Variants in CCDC178 observed in about 807,000 individuals in gnomAD.
CCDC178 encodes the protein coiled-coil domain-containing protein 178.
CCDC178 carries 126 observed loss-of-function variants against 117.4 expected under a neutral mutation model. The observed-to-expected ratio is 1.07, with a 90% CI of 0.93 to 1.24. The LOEUF is 1.24. Ranked by LOEUF, CCDC178 falls within the 50% of genes most tolerant of loss-of-function variation. CCDC178 has a pLI of 0.00. For missense variants in CCDC178, 1,030 were observed against 986.9 expected, an observed-to-expected ratio of 1.04 and a Z score of -0.59; for synonymous variants, 283 against 313.4, an observed-to-expected ratio of 0.90 and a Z score of 1.02.
At chr18:33,077,982 A>G (rs2057237372) in intron 21 of CCDC178, among the ~76,000 whole-genome samples, 2 of 152,176 alleles carry the variant, frequency 1.3e-5, no homozygotes, top group African/African-American at 4.8e-5. Context: ...AACAACAACA[A>G]AAAGAAAACT....
At chr18:33,079,954 T>C (rs1408403262) in intron 21 of CCDC178, among the ~76,000 whole-genome samples, 1 of 152,204 alleles carries the variant, frequency 6.6e-6, no homozygotes, top group Non-Finnish European at 1.5e-5. Context: ...GAAATCATTC[T>C]ACCATAAAGA....
chr18:33,308,001 A>G (rs892778966), intron 11 of CCDC178, among the ~76,000 whole-genome samples: 5 of 152,212 alleles, frequency 3.3e-5, no homozygotes, highest in Admixed American at 2.6e-4. Context: ...GCAGTGCAGA[A>G]GAGGAATGTG....
At chr18:33,244,537 T>C (rs999216886) in intron 15 of CCDC178, among the ~76,000 whole-genome samples, 1 of 151,942 alleles carries the variant, frequency 6.6e-6, no homozygotes, top group Non-Finnish European at 1.5e-5. Context: ...TATAAGGGGC[T>C]TCCCCATTTG....
chr18:32,945,215 A>G (rs2054319745), intron 22 of CCDC178, among the ~76,000 whole-genome samples: 1 of 152,184 alleles, frequency 6.6e-6, no homozygotes, highest in African/African-American at 2.4e-5. Flanking sequence ...GGATACTTAG[A>G]CCTCATTATG....
intron 21 of CCDC178, among the ~76,000 whole-genome samples, chr18:33,066,295 T>C (rs936779882): frequency 6.6e-6 from 1 of 152,078 alleles, no homozygotes; most frequent in African/African-American, 2.4e-5. Flanking sequence ...TGATATCTAC[T>C]ATCAGGAAAA....
intron 2 of CCDC178, among the ~76,000 whole-genome samples, chr18:33,428,058 C>T (rs72942669): frequency 0.11 from 17,362 of 152,048 alleles, 1,191 homozygotes; most frequent in East Asian, 0.19. Flanking sequence ...TATGAAAAAA[C>T]TATTTTGTGA....
intron 20 of CCDC178, among the ~76,000 whole-genome samples, chr18:33,180,701 T>C (rs1458146397): frequency 6.6e-6 from 1 of 152,030 alleles, no homozygotes; most frequent in Admixed American, 6.6e-5. Context: ...ACATATGCCA[T>C]CACAAAACAG....
At chr18:33,213,374 A>G (rs1279416968) in intron 19 of CCDC178, among the ~76,000 whole-genome samples, 1 of 151,924 alleles carries the variant, frequency 6.6e-6, no homozygotes, top group Non-Finnish European at 1.5e-5. Context: ...TCTTTCATCT[A>G]TCTTGCCCTG....
intron 7 of CCDC178, among the ~76,000 whole-genome samples, chr18:33,350,908 T>C (rs1008337825): frequency 2.6e-5 from 4 of 152,164 alleles, no homozygotes; most frequent in Non-Finnish European, 4.4e-5. Context: ...GGTTCTAATG[T>C]TGAAGAAAAG....
Position 33,016,631 on chromosome 18 carries a change from G to T in CCDC178, c.2389-41950C>A, listed in dbSNP as rs1216612701. Among the ~76,000 whole-genome samples the T allele has an allele frequency of 2.6e-5, 4 of 151,964 alleles. No homozygotes were observed. The East Asian group carries it at 7.7e-4, about 29-fold the overall frequency. ...TGACAGTAACAGAGAAAAAAGGGAG[G>T]GGGATCAGAGCTTTATTGGGGTCAA... On this transcript the variant is annotated intron_variant, in intron 21 of 22. Coordinates refer to ENST00000383096, the MANE Select transcript of CCDC178 (RefSeq NM_001105528.4).
intron 2 of CCDC178, among the ~76,000 whole-genome samples, chr18:33,438,186 C>A (rs910749962): frequency 6.6e-6 from 1 of 152,074 alleles, no homozygotes; most frequent in African/African-American, 2.4e-5. Context: ...CTAATTATTG[C>A]CCCTGGTTCC....
At chr18:33,241,081 G>C (rs1238606986) in intron 15 of CCDC178, among the ~76,000 whole-genome samples, 1 of 151,766 alleles carries the variant, frequency 6.6e-6, no homozygotes, top group Non-Finnish European at 1.5e-5. Flanking sequence ...ATCAGCAGAA[G>C]AAAGGACAAA....
chr18:33,236,414 T>C (rs2059427204), intron 15 of CCDC178, among the ~76,000 whole-genome samples: 1 of 152,128 alleles, frequency 6.6e-6, no homozygotes, highest in Non-Finnish European at 1.5e-5. Context: ...CAGATATGCA[T>C]GTGTATATTA....
chr18:32,943,689 T>C (rs181146116), intron 22 of CCDC178, among the ~76,000 whole-genome samples: 1 of 152,326 alleles, frequency 6.6e-6, no homozygotes, highest in African/African-American at 2.4e-5. Context: ...AAACACTGAA[T>C]ATTCTATTCC....
At chr18:33,149,330 G>C (rs2058313161) in intron 20 of CCDC178, among the ~76,000 whole-genome samples, 1 of 152,196 alleles carries the variant, frequency 6.6e-6, no homozygotes, top group Non-Finnish European at 1.5e-5. Context: ...ATTAAGAAGA[G>C]AGTCAATTTG....
chr18:33,267,895 T>C (rs1599078321), intron 12 of CCDC178, among the ~76,000 whole-genome samples: 2 of 151,570 alleles, frequency 1.3e-5, no homozygotes, highest in East Asian at 1.9e-4. Flanking sequence ...ATAAGAATAA[T>C]AATCGGTCTT....
chr18:33,042,430 A>G (rs1002398293), intron 21 of CCDC178, among the ~76,000 whole-genome samples: 5 of 151,946 alleles, frequency 3.3e-5, no homozygotes, highest in Admixed American at 1.3e-4. Context: ...TGTATACTCT[A>G]TAACTGGCTT....
intron 11 of CCDC178, among the ~76,000 whole-genome samples, chr18:33,316,629 G>GT (rs2144978648): frequency 6.6e-6 from 1 of 152,290 alleles, no homozygotes; most frequent in Admixed American, 6.5e-5. Flanking sequence ...CCTGAGTCTA[G>GT]TGGGGACTTA....
intron 20 of CCDC178, among the ~76,000 whole-genome samples, chr18:33,196,306 G>T (rs2058929400): frequency 6.6e-6 from 1 of 152,178 alleles, no homozygotes; most frequent in Admixed American, 6.5e-5. Flanking sequence ...TCCTCTGTAT[G>T]TATTGTCACA....
Sources: gnomAD v4.1 joint callset for allele counts (sites outside exome capture counted in the v4.1 genomes callset) on GRCh38, gnomAD v4.1.1 for gene constraint, MANE v1.5 for transcripts, NCBI Gene and HGNC (gene_info 2026-07-23, HGNC 2026-07-21) for gene names.